The following EXT2 variants were observed in gnomAD, a reference collection of about 807,000 sequenced individuals.
EXT2 encodes exostosin glycosyltransferase 2.
In EXT2, 53 loss-of-function variants were observed where a neutral mutation model predicts 81.6. The ratio of observed to expected loss-of-function variants is 0.65; its 90% CI spans 0.52 to 0.82. The LOEUF is 0.82. Ranked by LOEUF, EXT2 falls within the 40% of genes least tolerant of loss-of-function variation. EXT2 has a pLI of 0.00. For synonymous variants in EXT2, 320 were observed against 340.0 expected, an observed-to-expected ratio of 0.94 and a Z score of 0.65; for missense variants, 774 against 910.2, an observed-to-expected ratio of 0.85 and a Z score of 1.93.
rs774329716 is a variant in EXT2 at position 44,124,802 on chromosome 11, T to C, written c.757T>C (p.Phe253Leu). ...PEKGPGPRQYFLLSSQVGLHP... is the reference protein window; with the variant it reads ...PEKGPGPRQYLLLSSQVGLHP... The stretch of plus-strand genomic sequence containing the variant: ...TTTCCCTTGTAGTCCACGGCAATAC[T>C]TCCTCCTGTCATCTCAGGTGGGTCT... Residue 253 changes from phenylalanine to leucine, a missense_variant, in exon 5 of 14, where the codon TTC (phenylalanine) becomes CTC (leucine). Around this residue, in one of 2 missense-constraint regions of EXT2, gnomAD observed 626 missense variants for 670.5 expected, o/e 0.93. Coordinates refer to ENST00000533608, the MANE Select transcript of EXT2 (RefSeq NM_207122.2). The C allele has an allele frequency of 3.8e-5, 62 of 1,614,016 alleles. No individual in the cohort carries two copies. The highest frequency in any genetic ancestry group is 4.5e-5 in the Non-Finnish European group (53 of 1,180,020).
chr11:44,174,508 G>T (rs573339865), intron 8 of EXT2, among the ~76,000 whole-genome samples: 1 of 151,812 alleles, frequency 6.6e-6, no homozygotes, highest in African/African-American at 2.4e-5. Flanking sequence ...TCTAATAAAA[G>T]AATACTTTCT....
intron 7 of EXT2, among the ~76,000 whole-genome samples, chr11:44,171,127 T>C (rs1955066823): frequency 1.3e-5 from 2 of 152,180 alleles, no homozygotes; most frequent in Non-Finnish European, 2.9e-5. Flanking sequence ...ACACCACAAT[T>C]GTAATCAGCA....
At chr11:44,218,658 T>C (rs1955746730) in intron 10 of EXT2, among the ~76,000 whole-genome samples, 1 of 152,150 alleles carries the variant, frequency 6.6e-6, no homozygotes, top group South Asian at 2.1e-4. Context: ...TAATTAGTGA[T>C]GAGGGGGCCT....
At chr11:44,156,975 T>C (rs1017101173) in intron 7 of EXT2, among the ~76,000 whole-genome samples, 1 of 152,226 alleles carries the variant, frequency 6.6e-6, no homozygotes, top group Non-Finnish European at 1.5e-5. Context: ...GTGAGTCTTA[T>C]GGACTCACGA....
chr11:44,116,239 TG>T (rs1181124725), intron 4 of EXT2: 2 of 152,256 alleles, frequency 1.3e-5, no homozygotes, highest in Non-Finnish European at 2.9e-5. Flanking sequence ...TTGCCTATTC[TG>T]GACATTTCCT....
At chr11:44,153,190 T>G (rs1346295941) in intron 7 of EXT2, among the ~76,000 whole-genome samples, 4 of 152,248 alleles carry the variant, frequency 2.6e-5, no homozygotes, top group Non-Finnish European at 4.4e-5. Flanking sequence ...ATTTGATATC[T>G]TTCATCAGAG....
At chr11:44,110,080 G>A (rs987083875) in intron 3 of EXT2, among the ~76,000 whole-genome samples, 5 of 152,112 alleles carry the variant, frequency 3.3e-5, no homozygotes, top group Admixed American at 6.5e-5. Flanking sequence ...ACCTAAACTT[G>A]TTTATCACCA....
At chr11:44,159,296 T>G (rs1954898480) in intron 7 of EXT2, among the ~76,000 whole-genome samples, 1 of 152,120 alleles carries the variant, frequency 6.6e-6, no homozygotes, top group Admixed American at 6.5e-5. Context: ...TATTTATATC[T>G]TTTGTAGTTG....
At chr11:44,133,506 A>G (rs1954523316) in intron 7 of EXT2, among the ~76,000 whole-genome samples, 1 of 152,204 alleles carries the variant, frequency 6.6e-6, no homozygotes, top group Non-Finnish European at 1.5e-5. Flanking sequence ...GACTAGCTTA[A>G]TGGAGCTGCA....
At chr11:44,137,814 G>A (rs935565027) in intron 7 of EXT2, among the ~76,000 whole-genome samples, 1 of 152,186 alleles carries the variant, frequency 6.6e-6, no homozygotes, top group African/African-American at 2.4e-5. Context: ...AATAAATATG[G>A]ATTAAGGACT....
chr11:44,114,132 A>G (rs979809722), intron 3 of EXT2, 53 bp from the exon 4 acceptor site: 4 of 1,441,072 alleles, frequency 2.8e-6, no homozygotes, highest in Non-Finnish European at 3.9e-6. Context: ...CACAGTGTGT[A>G]TCAGAATAAA....
intron 8 of EXT2, among the ~76,000 whole-genome samples, chr11:44,192,722 C>T (rs1337708859): frequency 2.0e-5 from 3 of 152,116 alleles, no homozygotes; most frequent in Non-Finnish European, 4.4e-5. Context: ...GATGAGGAAA[C>T]TGATACTCAA....
intron 13 of EXT2, among the ~76,000 whole-genome samples, chr11:44,238,817 A>G (rs1373715223): frequency 1.3e-5 from 2 of 152,202 alleles, no homozygotes; most frequent in African/African-American, 2.4e-5. Flanking sequence ...CCTGATCAGC[A>G]AGTTCAACAA....
At chr11:44,131,644 A>G (rs1452796836) in intron 7 of EXT2, among the ~76,000 whole-genome samples, 1 of 152,228 alleles carries the variant, frequency 6.6e-6, no homozygotes, top group Non-Finnish European at 1.5e-5. Context: ...AAATCAGTCC[A>G]GAGATCTCTA....
chr11:44,126,726 C>A, intron 5 of EXT2, 90 bp from the exon 6 acceptor site: 12 of 1,559,624 alleles, frequency 7.7e-6, no homozygotes, highest in Non-Finnish European at 8.8e-6. Flanking sequence ...TTGGCGTCAA[C>A]CCTTGTAGAA....
rs1113132 is a variant in EXT2 at position 44,231,853 on chromosome 11, G to C, written c.1663-500G>C. Among the ~76,000 whole-genome samples, 37,019 of 152,052 alleles carry C rather than the reference G, an allele frequency of 0.24. 5,567 individuals carry two copies. Among genetic ancestry groups the C allele is most frequent in the Admixed American group, 0.41 (6,302 of 15,264 alleles). On this transcript the variant is annotated intron_variant, in intron 10 of 13. Transcript: ENST00000533608. The stretch of plus-strand genomic sequence containing the variant: ...GTTTTACAGATTACAGAATCAGACA[G>C]CCCTTCTATCCTTTAGGCTTCCAGT...
At chr11:44,172,037 C>G in intron 8 of EXT2, 1 of 444,004 alleles carries the variant, frequency 2.3e-6, no homozygotes. Context: ...ATCCCGGTGA[C>G]TTTTGCAATT....
At chr11:44,173,825 C>T (rs1365390156) in intron 8 of EXT2, among the ~76,000 whole-genome samples, 1 of 151,960 alleles carries the variant, frequency 6.6e-6, no homozygotes, top group Admixed American at 6.6e-5. Context: ...CCTCGGCCTC[C>T]CAAAGTGCTG....
Position 44,108,186 on chromosome 11 carries a change from T to A in EXT2, c.474T>A (p.Asp158Glu), listed in dbSNP as rs138452448. The change falls in exon 2 of 14, where the codon GAT becomes GAA. Residue 158 changes from aspartate (D) to glutamate (E), a missense_variant. This residue lies in a region of EXT2 where 626 missense variants were observed against 670.5 expected (regional missense o/e 0.93). Transcript: ENST00000533608. ...NRACLFVPSI[D>E]VLNQNTLRIK... Reference sequence around the variant, plus strand: ...CCTGTCTGTTTGTTCCCTCCATCGATGTGCTTAACCAGAACACACTGCGCA... The same window carrying A: ...CCTGTCTGTTTGTTCCCTCCATCGAAGTGCTTAACCAGAACACACTGCGCA... The A allele has an allele frequency of 3.0e-5, 49 of 1,613,918 alleles. No individual in the cohort carries two copies. In the African/African-American group the frequency reaches 6.4e-4, roughly 21 times the overall value.
Sources: allele counts gnomAD v4.1 joint callset (sites outside exome capture counted in the v4.1 genomes callset), GRCh38; gene constraint gnomAD v4.1.1; regional missense constraint gnomAD v4.1.1; transcripts MANE v1.5; gene names NCBI Gene and HGNC (gene_info 2026-07-23, HGNC 2026-07-21).